PTCHD4: variants seen among roughly 807,000 people sequenced by gnomAD.
The protein encoded by PTCHD4 is patched domain containing 4.
A neutral mutation model predicts 58.1 loss-of-function variants in PTCHD4; 33 were observed. The ratio of observed to expected loss-of-function variants is 0.57; its 90% CI spans 0.43 to 0.76. The LOEUF is 0.76. Among genes scored for constraint, PTCHD4 ranks in the 30% least tolerant of loss-of-function variants. The pLI is 0.00. For synonymous variants in PTCHD4, 478 were observed against 409.6 expected (o/e 1.17, Z -2.02); for missense variants, 1,058 against 1,027.1 (o/e 1.03, Z -0.41).
chr6:47,920,649 G>A (rs77437440), intron 4 of PTCHD4, among the ~76,000 whole-genome samples: 3,724 of 152,124 alleles, frequency 0.024, 138 homozygotes, highest in African/African-American at 0.081. Context: ...CCTTACCATT[G>A]TCTACTGCTT....
chr6:47,994,673 T>C (rs563586616), intron 4 of PTCHD4, among the ~76,000 whole-genome samples: 79 of 152,334 alleles, frequency 5.2e-4, no homozygotes, highest in African/African-American at 1.7e-3. Context: ...TGGATAGATA[T>C]CAGCTAGGTT....
intron 4 of PTCHD4, among the ~76,000 whole-genome samples, chr6:47,971,777 T>A (rs976760615): frequency 1.8e-4 from 28 of 152,166 alleles, no homozygotes; most frequent in African/African-American, 5.1e-4. Flanking sequence ...AAAAAGAGGA[T>A]CCTCAGAATC....
At position 47,879,329 on chromosome 6, in the gene PTCHD4, G is replaced by A. The variant is rs1166728489; in HGVS notation, c.1506C>T (p.Ala502=). 1.9e-6 allele frequency: 3 copies of A among 1,613,026 alleles called. No individual in the cohort carries two copies. The Admixed American group carries it at 5.0e-5, about 27-fold the overall frequency. ...LASDSPSVSY[A]MVQQKYFSNY... ...TGCTGAAATATTTCTGCTGAACCAT[G>A]GCATAGGAAACACTTGGCGAATCAC... is the stretch of plus-strand genomic sequence containing the variant. Residue 502 remains alanine, a synonymous_variant, in exon 5 of 5, where the codon GCC becomes GCT. Coordinates refer to ENST00000339488, the MANE Select transcript of PTCHD4 (RefSeq NM_001384253.1).
At chr6:47,942,175 G>A (rs900134481) in intron 4 of PTCHD4, among the ~76,000 whole-genome samples, 3 of 152,180 alleles carry the variant, frequency 2.0e-5, no homozygotes, top group African/African-American at 7.2e-5. Context: ...ATGAAACACT[G>A]CTACTTTCAA....
At chr6:47,908,905 G>A (rs1764983147) in intron 4 of PTCHD4, among the ~76,000 whole-genome samples, 1 of 151,948 alleles carries the variant, frequency 6.6e-6, no homozygotes, top group East Asian at 1.9e-4. Flanking sequence ...ATTACAATAT[G>A]GAATAATGAA....
At chr6:48,065,321 T>C (rs1764760364) in intron 3 of PTCHD4, among the ~76,000 whole-genome samples, 1 of 152,168 alleles carries the variant, frequency 6.6e-6, no homozygotes. Flanking sequence ...TGCCTTCCAA[T>C]AGCATTTTCC....
chr6:47,956,878 C>T (rs1766882184), intron 4 of PTCHD4, among the ~76,000 whole-genome samples: 1 of 151,966 alleles, frequency 6.6e-6, no homozygotes, highest in African/African-American at 2.4e-5. Flanking sequence ...AAAAAATTGC[C>T]TTTCGTTGGG....
intron 1 of PTCHD4, among the ~76,000 whole-genome samples, chr6:48,093,872 T>A (rs999795740): frequency 1.3e-5 from 2 of 152,212 alleles, no homozygotes; most frequent in African/African-American, 4.8e-5. Context: ...CTGAAGCTGC[T>A]GAAATAATAT....
At chr6:48,000,297 A>T (rs183881947) in intron 4 of PTCHD4, among the ~76,000 whole-genome samples, 150 of 152,288 alleles carry the variant, frequency 9.8e-4, no homozygotes, top group Non-Finnish European at 1.9e-3. Flanking sequence ...TGACCCGCAC[A>T]ATTTTCATGA....
At chr6:48,096,515 G>A (rs1216365043) in intron 1 of PTCHD4, among the ~76,000 whole-genome samples, 2 of 152,006 alleles carry the variant, frequency 1.3e-5, no homozygotes, top group African/African-American at 4.8e-5. Flanking sequence ...AGGAGGCTGA[G>A]GCAGGAGAAT....
chr6:47,973,574 G>T (rs1767590109), intron 4 of PTCHD4, among the ~76,000 whole-genome samples: 1 of 152,214 alleles, frequency 6.6e-6, no homozygotes. Context: ...TTGCTGGATT[G>T]TGGGCAGTTG....
At chr6:47,973,545 G>A (rs1767589177) in intron 4 of PTCHD4, among the ~76,000 whole-genome samples, 1 of 152,220 alleles carries the variant, frequency 6.6e-6, no homozygotes, top group Admixed American at 6.5e-5. Context: ...ACCAACAGGG[G>A]CAGGCATTTA....
intron 4 of PTCHD4, among the ~76,000 whole-genome samples, chr6:47,935,091 G>A (rs1765953773): frequency 6.6e-6 from 1 of 152,144 alleles, no homozygotes; most frequent in African/African-American, 2.4e-5. Context: ...TTGGGTTTGT[G>A]TGATGGAGTC....
At chr6:47,997,806 C>G (rs193226899) in intron 4 of PTCHD4, among the ~76,000 whole-genome samples, 2 of 152,272 alleles carry the variant, frequency 1.3e-5, no homozygotes, top group East Asian at 3.9e-4. Flanking sequence ...CACAGGGGTT[C>G]CTCAATTCTT....
At position 48,043,494 on chromosome 6, in the gene PTCHD4, T is replaced by C. The variant is rs149256339; in HGVS notation, c.417+24736A>G. On this transcript the variant is annotated intron_variant, in intron 3 of 4. Transcript: ENST00000339488. Reference sequence around the variant, plus strand: ...GATTCTGTTATCTCACTATTTTTTATCTTAATCTCAAAGTTTTACCTTAAG... The same window carrying C: ...GATTCTGTTATCTCACTATTTTTTACCTTAATCTCAAAGTTTTACCTTAAG... Among the ~76,000 whole-genome samples, 572 of 152,040 alleles carry C rather than the reference T, an allele frequency of 3.8e-3. 3 individuals carry two copies. The highest frequency in any genetic ancestry group is 0.013 in the African/African-American group (556 of 41,544).
chr6:47,878,748 A>G lies in PTCHD4; in HGVS notation c.2087T>C (p.Val696Ala). Residue 696 changes from valine to alanine, a missense_variant, in exon 5 of 5, where the codon GTT becomes GCT. Coordinates refer to ENST00000339488, the MANE Select transcript of PTCHD4 (RefSeq NM_001384253.1). Reference protein sequence around the residue: ...ILSVTSIELGVLGLMTLWNVD... With the variant: ...ILSVTSIELGALGLMTLWNVD... The stretch of plus-strand genomic sequence containing the variant: ...GTTCCATAATGTCATTAAGCCCAGA[A>G]CGCCCAGCTCAATTGAGGTGACGCT... The G allele has an allele frequency of 1.2e-6, 2 of 1,613,618 alleles. No individual in the cohort carries two copies. The highest frequency in any genetic ancestry group is 1.7e-6 in the Non-Finnish European group (2 of 1,179,774).
intron 4 of PTCHD4, among the ~76,000 whole-genome samples, chr6:47,881,043 C>G: frequency 6.6e-6 from 1 of 152,218 alleles, no homozygotes; most frequent in East Asian, 1.9e-4. Flanking sequence ...TACATAGGAA[C>G]CTTTTCTGTG....
chr6:47,902,414 G>A (rs1764739469), intron 4 of PTCHD4, among the ~76,000 whole-genome samples: 1 of 152,132 alleles, frequency 6.6e-6, no homozygotes, highest in Non-Finnish European at 1.5e-5. Context: ...GGTATCTGTT[G>A]TCCCTACCCA....
chr6:48,104,611 T>A (rs543831954), intron 1 of PTCHD4, among the ~76,000 whole-genome samples: 2 of 152,272 alleles, frequency 1.3e-5, no homozygotes, highest in East Asian at 3.9e-4. Flanking sequence ...ATACTAACCT[T>A]AAATGTAAAT....
Sources: gnomAD v4.1 joint callset for allele counts (sites outside exome capture counted in the v4.1 genomes callset) on GRCh38, gnomAD v4.1.1 for gene constraint, MANE v1.5 for transcripts, NCBI Gene and HGNC (gene_info 2026-07-23, HGNC 2026-07-21) for gene names.